Variants in SGCZ observed in about 807,000 individuals in gnomAD.
The protein encoded by SGCZ is sarcoglycan zeta, also known as zeta-sarcoglycan.
A neutral mutation model predicts 41.3 loss-of-function variants in SGCZ; 40 were observed. That is an observed-to-expected ratio of 0.97 (90% CI 0.75 to 1.26). SGCZ has a LOEUF of 1.26. Ranked by LOEUF, SGCZ falls within the 50% of genes most tolerant of loss-of-function variation. The pLI is 0.00. For missense variants in SGCZ, 552 were observed against 369.8 expected (o/e 1.49, Z -4.04); for synonymous variants, 206 against 137.5 (o/e 1.50, Z -3.49).
At chr8:14,525,320 T>C (rs1457512260) in intron 2 of SGCZ, among the ~76,000 whole-genome samples, 2 of 152,158 alleles carry the variant, frequency 1.3e-5, no homozygotes, top group African/African-American at 4.8e-5. Flanking sequence ...TAGATATTCC[T>C]GTCATCCTGT....
At chr8:14,667,869 A>T (rs1251955652) in intron 1 of SGCZ, among the ~76,000 whole-genome samples, 1 of 152,192 alleles carries the variant, frequency 6.6e-6, no homozygotes, top group Non-Finnish European at 1.5e-5. Context: ...TACTATCCCT[A>T]TACATGAGGA....
At chr8:14,486,309 G>A (rs1488938249) in intron 2 of SGCZ, among the ~76,000 whole-genome samples, 1 of 152,106 alleles carries the variant, frequency 6.6e-6, no homozygotes, top group Non-Finnish European at 1.5e-5. Flanking sequence ...ATGCATGGTA[G>A]TAAGAACCAC....
chr8:14,601,982 T>A (rs1324634411), intron 1 of SGCZ, among the ~76,000 whole-genome samples: 2 of 151,932 alleles, frequency 1.3e-5, no homozygotes, highest in African/African-American at 2.4e-5. Flanking sequence ...TAGCCGGGCC[T>A]GGTGGCGGGC....
chr8:14,952,490 G>C (rs35425802), intron 1 of SGCZ, among the ~76,000 whole-genome samples: 1 of 152,096 alleles, frequency 6.6e-6, no homozygotes, highest in Admixed American at 6.6e-5. Flanking sequence ...TCCATCACTA[G>C]GGAGGCATCA....
intron 2 of SGCZ, among the ~76,000 whole-genome samples, chr8:14,328,629 T>C (rs1055630034): frequency 3.9e-5 from 6 of 152,180 alleles, no homozygotes; most frequent in Non-Finnish European, 8.8e-5. Context: ...CTCATGTTAT[T>C]TTAAGAGAAA....
At chr8:14,456,923 G>A (rs1800762374) in intron 2 of SGCZ, among the ~76,000 whole-genome samples, 2 of 152,088 alleles carry the variant, frequency 1.3e-5, no homozygotes, top group Admixed American at 6.5e-5. Context: ...TGCTTTTTCA[G>A]TGTCACATGG....
At chr8:14,308,945 G>C (rs1585345693) in intron 3 of SGCZ, 11 of 610,982 alleles carry the variant, frequency 1.8e-5, no homozygotes. Context: ...CAAAGTGTAA[G>C]CTGATTGGCA....
intron 1 of SGCZ, among the ~76,000 whole-genome samples, chr8:15,173,749 A>T (rs578252004): frequency 6.6e-6 from 1 of 152,120 alleles, no homozygotes; most frequent in Non-Finnish European, 1.5e-5. Context: ...GTTCTTCGTT[A>T]GCAGATTCAT....
chr8:14,375,183 G>T (rs1397957944), intron 2 of SGCZ, among the ~76,000 whole-genome samples: 2 of 152,092 alleles, frequency 1.3e-5, no homozygotes, highest in East Asian at 3.8e-4. Flanking sequence ...GAAGTGCAAT[G>T]AAAAAAGTAT....
At chr8:14,603,035 T>C (rs1805642818) in intron 1 of SGCZ, among the ~76,000 whole-genome samples, 1 of 152,118 alleles carries the variant, frequency 6.6e-6, no homozygotes, top group Non-Finnish European at 1.5e-5. Flanking sequence ...AGGCATGGCT[T>C]CAGAGACACT....
intron 1 of SGCZ, among the ~76,000 whole-genome samples, chr8:15,044,458 A>C (rs1276735262): frequency 1.3e-5 from 2 of 152,138 alleles, no homozygotes; most frequent in African/African-American, 4.8e-5. Flanking sequence ...AAAATATTTC[A>C]CTTACGAATA....
intron 2 of SGCZ, among the ~76,000 whole-genome samples, chr8:14,403,307 C>T (rs1330519860): frequency 1.3e-5 from 2 of 150,298 alleles, no homozygotes; most frequent in African/African-American, 5.0e-5. Flanking sequence ...ACTGCCTGGG[C>T]CAGAACTTCC....
chr8:14,242,292 C>G (rs1391511826), intron 3 of SGCZ, among the ~76,000 whole-genome samples: 1 of 152,200 alleles, frequency 6.6e-6, no homozygotes, highest in Non-Finnish European at 1.5e-5. Flanking sequence ...CCAACATTTA[C>G]TGGCCCTTAA....
intron 1 of SGCZ, among the ~76,000 whole-genome samples, chr8:14,915,257 A>C (rs895295324): frequency 6.6e-6 from 1 of 152,194 alleles, no homozygotes; most frequent in African/African-American, 2.4e-5. Context: ...TTGAACATGT[A>C]TATATGCTGT....
At chr8:14,093,320 T>A (rs11775245) in intron 7 of SGCZ, among the ~76,000 whole-genome samples, 1 of 151,914 alleles carries the variant, frequency 6.6e-6, no homozygotes, top group African/African-American at 2.4e-5. Flanking sequence ...AGTGAACTTT[T>A]AAGAAACGCA....
chr8:14,218,261 A>G (rs1485879113), intron 4 of SGCZ, among the ~76,000 whole-genome samples: 1 of 152,240 alleles, frequency 6.6e-6, no homozygotes, highest in African/African-American at 2.4e-5. Context: ...CAAAGTCAAT[A>G]TAACACTTTT....
intron 5 of SGCZ, among the ~76,000 whole-genome samples, chr8:14,109,449 T>C (rs952124444): frequency 2.6e-5 from 4 of 152,176 alleles, no homozygotes; most frequent in Non-Finnish European, 5.9e-5. Flanking sequence ...AAAATAAACT[T>C]GATGATTTTG....
Position 14,108,251 on chromosome 8 carries a change from A to G in SGCZ, c.548-16T>C, listed in dbSNP as rs1802268935. ...CCTTCAGTGCCTGGGGGTAGCATGA[A>G]TATAGCAGTCAGTATAAGCAAGTCC... On this transcript the variant is annotated splice_polypyrimidine_tract_variant and intron_variant, in intron 5 of 7. Coordinates refer to ENST00000382080, the MANE Select transcript of SGCZ (RefSeq NM_139167.4). The G allele has an allele frequency of 6.2e-7, 1 of 1,613,178 alleles. No homozygotes were observed. Among genetic ancestry groups the G allele is most frequent in the Non-Finnish European group, 8.5e-7 (1 of 1,179,182 alleles).
intron 1 of SGCZ, among the ~76,000 whole-genome samples, chr8:14,724,429 A>G (rs1446110137): frequency 6.6e-6 from 1 of 151,954 alleles, no homozygotes; most frequent in African/African-American, 2.4e-5. Context: ...GGTATACTGC[A>G]AAATCTTAAT....
Sources: gnomAD v4.1 joint callset for allele counts (sites outside exome capture counted in the v4.1 genomes callset) on GRCh38, gnomAD v4.1.1 for gene constraint, MANE v1.5 for transcripts, NCBI Gene and HGNC (gene_info 2026-07-23, HGNC 2026-07-21) for gene names.